Variants in ATF2 observed in about 807,000 individuals in gnomAD.
ATF2 encodes cyclic AMP-dependent transcription factor ATF-2.
ATF2 carries 24 observed loss-of-function variants against 60.6 expected under a neutral mutation model. The observed-to-expected ratio is 0.40, with a 90% CI of 0.29 to 0.56. The LOEUF is 0.56. ATF2 is among the 20% of genes least tolerant of loss of function. The pLI, the probability that ATF2 is intolerant of heterozygous loss-of-function variation, is 0.54. For missense variants in ATF2, 433 were observed against 607.7 expected (o/e 0.71, Z 3.02); for synonymous variants, 206 against 215.4 (o/e 0.96, Z 0.38).
chr2:175,091,680 T>C (rs1694556391), intron 12 of ATF2, among the ~76,000 whole-genome samples: 1 of 151,942 alleles, frequency 6.6e-6, no homozygotes, highest in South Asian at 2.1e-4. Flanking sequence ...CTGGCCAACA[T>C]GGTGAAACCC....
intron 1 of ATF2, among the ~76,000 whole-genome samples, chr2:175,151,540 T>A (rs1699313355): frequency 1.3e-5 from 2 of 151,894 alleles, no homozygotes; most frequent in Non-Finnish European, 2.9e-5. Context: ...ATTTTTAGAG[T>A]GGAGATTAAC....
Position 175,082,990 on chromosome 2 carries a change from T to TA in ATF2, c.1186-2226dup, listed in dbSNP as rs34123122. Among the ~76,000 whole-genome samples the TA allele has an allele frequency of 2.7e-4, 41 of 151,860 alleles. 1 individual carries two copies. Among genetic ancestry groups the TA allele is most frequent in the Non-Finnish European group, 4.9e-4 (33 of 67,976 alleles). On this transcript the variant is annotated intron_variant, in intron 12 of 13. Transcript: ENST00000264110. The stretch of plus-strand genomic sequence containing the variant: ...AACTACAAACCACTGCTCAATGAAA[T>TA]AAAAGAGGATACAAACAAATGGAAG...
intron 2 of ATF2, among the ~76,000 whole-genome samples, chr2:175,141,244 G>A (rs13388380): frequency 0.068 from 10,332 of 151,192 alleles, 356 homozygotes; most frequent in East Asian, 0.12. Context: ...ACTCACCCTA[G>A]TTTTTTTCCC....
intron 2 of ATF2, among the ~76,000 whole-genome samples, chr2:175,146,989 T>C (rs1362764137): frequency 1.3e-5 from 2 of 152,208 alleles, no homozygotes; most frequent in African/African-American, 4.8e-5. Flanking sequence ...AGAACTCTGC[T>C]TGTTTTTTGT....
At chr2:175,129,485 A>G (rs1449115604) in intron 4 of ATF2, among the ~76,000 whole-genome samples, 1 of 152,112 alleles carries the variant, frequency 6.6e-6, no homozygotes, top group African/African-American at 2.4e-5. Flanking sequence ...TCAACTAAAG[A>G]AAATAAATGA....
chr2:175,125,165 C>A (rs574545579), intron 4 of ATF2, among the ~76,000 whole-genome samples: 3 of 151,758 alleles, frequency 2.0e-5, no homozygotes, highest in Non-Finnish European at 4.4e-5. Context: ...TTACTGGTGA[C>A]AAAAAATAAC....
In ATF2 at chr2:175,142,712, AGAGAGAGAGT is replaced by A. The variant is rs1399144884; in HGVS notation, c.-43-6236_-43-6227del. On this transcript the variant is annotated intron_variant, in intron 2 of 13. Coordinates refer to ENST00000264110, the MANE Select transcript of ATF2 (RefSeq NM_001880.4). Reference sequence around the variant, plus strand: ...GAGAGAGAGAGAGAGAGAGAGAGAGAGAGAGAGAGTGTGTGTGTGTGTGTGTGTGTGTGTG... The same window carrying A: ...GAGAGAGAGAGAGAGAGAGAGAGAGAGTGTGTGTGTGTGTGTGTGTGTGTG... Among the ~76,000 whole-genome samples the A allele has an allele frequency of 1.5e-3, 191 of 124,100 alleles. No homozygotes were observed. The South Asian group carries it at 0.034, about 22-fold the overall frequency. The allele number at this position is 124,100 out of a possible 152,430, so 81.4% of individuals were successfully genotyped here. A position where few individuals can be genotyped will look rare whatever the true frequency, so the allele number is the denominator to read the frequency against.
chr2:175,090,983 C>T (rs933461210), intron 12 of ATF2, among the ~76,000 whole-genome samples: 3 of 152,054 alleles, frequency 2.0e-5, no homozygotes, highest in African/African-American at 7.2e-5. Flanking sequence ...GTAACCAGTG[C>T]TGCAGTGTAA....
At chr2:175,152,690 T>C (rs1699392729) in intron 1 of ATF2, among the ~76,000 whole-genome samples, 1 of 152,224 alleles carries the variant, frequency 6.6e-6, no homozygotes, top group African/African-American at 2.4e-5. Context: ...ATATTTAATA[T>C]GTTTAAAACA....
chr2:175,108,724 C>T (rs984000035), intron 10 of ATF2, among the ~76,000 whole-genome samples: 4 of 152,130 alleles, frequency 2.6e-5, no homozygotes, highest in Admixed American at 2.0e-4. Context: ...GGCGGTTTTG[C>T]GGAATAGAAA....
At chr2:175,075,214 A>T in intron 13 of ATF2, 1 of 425,448 alleles carries the variant, frequency 2.4e-6, no homozygotes, top group Non-Finnish European at 3.7e-6. Context: ...TCTTATTACA[A>T]GATAAAAATG....
In ATF2 at chr2:175,100,443, T is replaced by C. The variant is rs777420593; in HGVS notation, c.829-2850A>G. 3.9e-5 allele frequency among the ~76,000 whole-genome samples: 6 copies of C among 152,170 alleles called. No individual in the cohort carries two copies. In the South Asian group the frequency reaches 1.2e-3, roughly 32 times the overall value. On this transcript the variant is annotated intron_variant, in intron 10 of 13. Coordinates refer to ENST00000264110, the MANE Select transcript of ATF2 (RefSeq NM_001880.4). The stretch of plus-strand genomic sequence containing the variant: ...AGCATTGGTTTGATCCCAGACATAT[T>C]TTATATATGAGATGTAAAAAGTAAA...
intron 12 of ATF2, among the ~76,000 whole-genome samples, chr2:175,087,667 C>T (rs772574906): frequency 2.3e-4 from 35 of 152,152 alleles, no homozygotes; most frequent in Non-Finnish European, 4.9e-4. Context: ...TTTCTCATTG[C>T]TATGAATTTT....
intron 12 of ATF2, among the ~76,000 whole-genome samples, chr2:175,088,033 T>C (rs1361955072): frequency 6.6e-6 from 1 of 152,138 alleles, no homozygotes; most frequent in Non-Finnish European, 1.5e-5. Context: ...GAATGAAAAA[T>C]AACTAGCATT....
intron 11 of ATF2, among the ~76,000 whole-genome samples, chr2:175,094,403 GAAAAAAAA>G (rs61440218): frequency 1.8e-4 from 11 of 61,140 alleles, no homozygotes; most frequent in Admixed American, 4.9e-4. Context: ...CAAAAAATAC[GAAAAAAAA>G]AAAAAAAAAA....
intron 2 of ATF2, among the ~76,000 whole-genome samples, chr2:175,149,015 G>A (rs762430310): frequency 6.6e-6 from 1 of 152,122 alleles, no homozygotes; most frequent in Non-Finnish European, 1.5e-5. Flanking sequence ...ATTAGCCACT[G>A]GCTACTCATA....
In ATF2 at chr2:175,097,458, T is replaced by C. The variant is rs759250737; in HGVS notation, c.964A>G (p.Thr322Ala). 3.7e-6 allele frequency: 6 copies of C among 1,614,006 alleles called. No homozygotes were observed. Among genetic ancestry groups the C allele is most frequent in the Non-Finnish European group, 5.1e-6 (6 of 1,179,944 alleles). The change falls in exon 11 of 14, where the codon ACT (threonine) becomes GCT (alanine). Residue 322 changes from threonine to alanine, a missense_variant. By Grantham distance (58) the Thr-to-Ala change is moderately conservative. Coordinates refer to ENST00000264110, the MANE Select transcript of ATF2 (RefSeq NM_001880.4). Reference protein sequence around the residue: ...PQSLQQPATSTTETPASPAHT... With the variant: ...PQSLQQPATSATETPASPAHT... ...AACACACATACCGGAGTTTCTGTAG[T>C]GGATGTGGCTGGCTGTTGTAATGAC...
chr2:175,077,456 C>T (rs2105525091), intron 13 of ATF2, among the ~76,000 whole-genome samples: 1 of 152,236 alleles, frequency 6.6e-6, no homozygotes, highest in South Asian at 2.1e-4. Context: ...CTCTTCAGCA[C>T]CTGTTGTTTC....
At chr2:175,156,392 A>AC (rs1352275630) in intron 1 of ATF2, among the ~76,000 whole-genome samples, 1 of 149,942 alleles carries the variant, frequency 6.7e-6, no homozygotes, top group African/African-American at 2.4e-5. Context: ...AAAAAAAAAA[A>AC]AAAAAAAAAA....
Sources: gnomAD v4.1 joint callset for allele counts (sites outside exome capture counted in the v4.1 genomes callset) on GRCh38, gnomAD v4.1.1 for gene constraint, MANE v1.5 for transcripts, NCBI Gene and HGNC (gene_info 2026-07-23, HGNC 2026-07-21) for gene names.